Variants in LRP1B observed in about 807,000 individuals in gnomAD.
The protein encoded by LRP1B is LDL receptor related protein 1B, also known as low-density lipoprotein receptor-related protein 1B.
Under a neutral mutation model 556.6 loss-of-function variants are expected in LRP1B, and 217 were observed. The ratio of observed to expected loss-of-function variants is 0.39; its 90% CI spans 0.35 to 0.44. The LOEUF is 0.44. LRP1B is among the 20% of genes least tolerant of loss of function. The probability of loss-of-function intolerance (pLI) is 1.00; values close to 1 mark genes in which losing one functional copy is unlikely to be tolerated. For synonymous variants in LRP1B, 2,047 were observed against 1,865.8 expected (o/e 1.10, Z -2.50); for missense variants, 5,053 against 5,620.8 (o/e 0.90, Z 3.23).
At chr2:141,591,513 G>A (rs1387969604) in intron 2 of LRP1B, among the ~76,000 whole-genome samples, 1 of 151,036 alleles carries the variant, frequency 6.6e-6, no homozygotes, top group South Asian at 2.1e-4. Context: ...AGGTCAATTA[G>A]AAACATATTT....
intron 1 of LRP1B, among the ~76,000 whole-genome samples, chr2:141,938,603 A>T (rs1242190859): frequency 6.6e-6 from 1 of 152,120 alleles, no homozygotes; most frequent in Non-Finnish European, 1.5e-5. Flanking sequence ...TATGCAAAGG[A>T]AATAAAATCA....
intron 62 of LRP1B, among the ~76,000 whole-genome samples, chr2:140,454,873 AT>A (rs149003083): frequency 0.17 from 26,422 of 151,970 alleles, 2,511 homozygotes; most frequent in Non-Finnish European, 0.22. Flanking sequence ...GAATGCTGTG[AT>A]TTTGTTCTAT....
intron 2 of LRP1B, among the ~76,000 whole-genome samples, chr2:141,759,544 T>C (rs1042873636): frequency 2.6e-5 from 4 of 152,134 alleles, no homozygotes; most frequent in Admixed American, 2.0e-4. Context: ...AATAGAAGAA[T>C]ATTTATCAAA....
rs538512536 is a variant in LRP1B, at chr2:141,207,778, C to T, written c.851-19195G>A. 2.2e-4 allele frequency among the ~76,000 whole-genome samples: 33 copies of T among 152,298 alleles called. No homozygotes were observed. The South Asian group carries it at 6.6e-3, about 31-fold the overall frequency. ...GCAACCTCTGCCTCCCCGGTTCAAG[C>T]AATTCTCCTGCCTCAGCCTCCCGAG... is the stretch of plus-strand genomic sequence containing the variant. On this transcript the variant is annotated intron_variant, in intron 6 of 90. Transcript: ENST00000389484.
intron 68 of LRP1B, among the ~76,000 whole-genome samples, chr2:140,376,553 A>T (rs1683239237): frequency 6.6e-6 from 1 of 152,174 alleles, no homozygotes; most frequent in African/African-American, 2.4e-5. Context: ...GAGTGTAAAA[A>T]ATGTAACTCT....
At chr2:140,938,726 A>G (rs6753225) in intron 20 of LRP1B, among the ~76,000 whole-genome samples, 88,838 of 151,914 alleles carry the variant, frequency 0.58, 27,939 homozygotes, top group Non-Finnish European at 0.69. Context: ...TGAAGTAACA[A>G]ATATAAAATG....
intron 1 of LRP1B, among the ~76,000 whole-genome samples, chr2:142,116,179 CGA>C (rs1410846431): frequency 9.8e-6 from 1 of 102,006 alleles, no homozygotes; most frequent in Non-Finnish European, 1.8e-5. Context: ...GGTGACAGAG[CGA>C]GAGTCTGTCT....
intron 2 of LRP1B, among the ~76,000 whole-genome samples, chr2:141,625,088 GATA>G (rs1688658631): frequency 6.6e-6 from 1 of 152,100 alleles, no homozygotes; most frequent in Admixed American, 6.6e-5. Context: ...TTAAAACAAA[GATA>G]ATGTCTCCTC....
At chr2:140,683,274 T>A in intron 41 of LRP1B, 1 of 356,782 alleles carries the variant, frequency 2.8e-6, no homozygotes, top group Non-Finnish European at 5.4e-6. Flanking sequence ...GGGAATGTTT[T>A]CTCAGATATG....
At chr2:140,738,882 T>A (rs568726039) in intron 35 of LRP1B, among the ~76,000 whole-genome samples, 1 of 152,336 alleles carries the variant, frequency 6.6e-6, no homozygotes, top group South Asian at 2.1e-4. Context: ...AAAATAATTG[T>A]GCTTTATTTA....
chr2:140,938,428 CTT>C (rs1459716385), intron 20 of LRP1B, among the ~76,000 whole-genome samples: 3 of 152,018 alleles, frequency 2.0e-5, no homozygotes, highest in Non-Finnish European at 4.4e-5. Flanking sequence ...TTCCAGTGCT[CTT>C]TGTGAAATTT....
rs1697035287 is a variant in LRP1B, at chr2:140,989,782, C to T, written c.2645-125G>A. 11 of 805,626 alleles carry T rather than the reference C, an allele frequency of 1.4e-5. 1 individual carries two copies. The South Asian group carries it at 1.8e-4, about 13-fold the overall frequency. The allele number at this position is 805,626 out of a possible 1,614,324, so 49.9% of individuals were successfully genotyped here. A position where few individuals can be genotyped will look rare whatever the true frequency, so the allele number is the denominator to read the frequency against. On this transcript the variant is annotated intron_variant, in intron 16 of 90. Transcript: ENST00000389484. ...GTACAATAAATGTCATAGAGTCTGT[C>T]ATTCATTGCCTTATATTTAATAGCA...
At chr2:141,148,082 T>A (rs58860655) in intron 7 of LRP1B, among the ~76,000 whole-genome samples, 1,530 of 152,316 alleles carry the variant, frequency 0.01, 29 homozygotes, top group African/African-American at 0.036. Context: ...TTTCTTAGAA[T>A]GTATCCCTGT....
At chr2:140,966,724 G>A (rs536848503) in intron 18 of LRP1B, among the ~76,000 whole-genome samples, 2 of 152,090 alleles carry the variant, frequency 1.3e-5, no homozygotes, top group Non-Finnish European at 2.9e-5. Context: ...TTTTTATAAG[G>A]TGTAAGGAAG....
At chr2:141,737,177 C>A (rs923810952) in intron 2 of LRP1B, among the ~76,000 whole-genome samples, 7 of 152,110 alleles carry the variant, frequency 4.6e-5, no homozygotes, top group Non-Finnish European at 1.0e-4. Flanking sequence ...CATGGTGAAA[C>A]CCTGTCTCTA....
chr2:141,511,011 G>C (rs550327914), intron 2 of LRP1B, among the ~76,000 whole-genome samples: 2 of 151,866 alleles, frequency 1.3e-5, no homozygotes, highest in Admixed American at 6.6e-5. Flanking sequence ...CTCAGTTAAT[G>C]ATTCAATGAT....
At chr2:140,900,082 G>C (rs972973676) in intron 23 of LRP1B, among the ~76,000 whole-genome samples, 1 of 152,180 alleles carries the variant, frequency 6.6e-6, no homozygotes, top group Non-Finnish European at 1.5e-5. Flanking sequence ...TTATGGGGAG[G>C]AAAGGGAACA....
At chr2:141,031,880 C>A (rs1383017334) in intron 11 of LRP1B, among the ~76,000 whole-genome samples, 2 of 151,346 alleles carry the variant, frequency 1.3e-5, no homozygotes, top group African/African-American at 4.8e-5. Flanking sequence ...TTTGAAGTAA[C>A]CAACTTACAA....
chr2:140,383,728 A>G (rs916449685), intron 67 of LRP1B, among the ~76,000 whole-genome samples: 5 of 152,314 alleles, frequency 3.3e-5, no homozygotes, highest in African/African-American at 9.6e-5. Context: ...CCATATTACA[A>G]TTGTAAAATA....
Sources: allele counts gnomAD v4.1 joint callset (sites outside exome capture counted in the v4.1 genomes callset), GRCh38; gene constraint gnomAD v4.1.1; transcripts MANE v1.5; gene names NCBI Gene and HGNC (gene_info 2026-07-23, HGNC 2026-07-21).